Variants in WBP2NL observed in about 807,000 individuals in gnomAD.
The protein encoded by WBP2NL is postacrosomal sheath WW domain-binding protein.
Under a neutral mutation model 23.3 loss-of-function variants are expected in WBP2NL, and 27 were observed. That is an observed-to-expected ratio of 1.16 (90% CI 0.85 to 1.60). WBP2NL has a LOEUF of 1.60. Ranked by LOEUF, WBP2NL falls within the 40% of genes most tolerant of loss-of-function variation. The probability of loss-of-function intolerance (pLI) is 0.00; values close to 1 mark genes in which losing one functional copy is unlikely to be tolerated. For synonymous variants in WBP2NL, 151 were observed against 145.9 expected (o/e 1.03, Z -0.25); for missense variants, 370 against 389.5 (o/e 0.95, Z 0.42).
At chr22:42,020,847 CAT>C (rs1389366619) in intron 4 of WBP2NL, among the ~76,000 whole-genome samples, 40 of 79,016 alleles carry the variant, frequency 5.1e-4, no homozygotes, top group African/African-American at 1.6e-3. Context: ...TTTTTTATCT[CAT>C]ATATGTGTGT....
At chr22:42,030,338 T>G (rs777959812), downstream of WBP2NL, among the ~76,000 whole-genome samples, 2 of 152,198 alleles carry the variant, frequency 1.3e-5, no homozygotes, top group African/African-American at 4.8e-5. Flanking sequence ...TGAAGACAAG[T>G]CAAAAGACCA....
At position 42,027,125 on chromosome 22, in the gene WBP2NL, G is replaced by T. The variant is rs930545405; in HGVS notation, c.874G>T (p.Ala292Ser). The T allele has an allele frequency of 2.5e-6, 4 of 1,614,122 alleles. No homozygotes were observed. Among genetic ancestry groups the T allele is most frequent in the South Asian group, 2.2e-5 (2 of 91,092 alleles). ...GCCTCAGGAATCTACAGCAGCCCAG[G>T]CTCCTGAAAACGAGGCTTCTCTTCC... ...ARPQESTAAQ[A>S]PENEASLPSA... Residue 292 changes from alanine (A) to serine (S), a missense_variant, in exon 6 of 6, where the codon GCT (alanine) becomes TCT (serine). Transcript: ENST00000328823.
chr22:42,050,466 C>A (rs1474793701), intron 8 of WBP2NL, among the ~76,000 whole-genome samples: 2 of 151,904 alleles, frequency 1.3e-5, no homozygotes, highest in Non-Finnish European at 2.9e-5. Context: ...GCCAACATGA[C>A]AAAACCCCGT....
At chr22:42,029,313 A>AG, downstream of WBP2NL, among the ~76,000 whole-genome samples, 1 of 151,682 alleles carries the variant, frequency 6.6e-6, no homozygotes, top group East Asian at 1.9e-4. Context: ...AAAAAAAAAA[A>AG]AAAAGCCAGG....
intron 1 of WBP2NL, among the ~76,000 whole-genome samples, chr22:42,000,917 C>G (rs1921587296): frequency 6.6e-6 from 1 of 152,036 alleles, no homozygotes; most frequent in Admixed American, 6.6e-5. Flanking sequence ...ATTGCTCCAC[C>G]AAAAGGTGGA....
At chr22:41,999,799 G>A (rs550066501) in intron 1 of WBP2NL, among the ~76,000 whole-genome samples, 1 of 152,240 alleles carries the variant, frequency 6.6e-6, no homozygotes, top group Admixed American at 6.5e-5. Flanking sequence ...AGATGCCTGG[G>A]CACAACAAAG....
intron 8 of WBP2NL, among the ~76,000 whole-genome samples, chr22:42,048,494 T>C (rs1342388025): frequency 6.6e-6 from 1 of 151,460 alleles, no homozygotes; most frequent in Admixed American, 6.6e-5. Flanking sequence ...CGGTGGTTCA[T>C]GCCTGTAATC....
Position 42,026,996 on chromosome 22 carries a change from C to T in WBP2NL, c.745C>T (p.Pro249Ser), listed in dbSNP as rs1447349348. 3.7e-6 allele frequency: 6 copies of T among 1,610,096 alleles called. No homozygotes were observed. Among genetic ancestry groups the T allele is most frequent in the Non-Finnish European group, 5.1e-6 (6 of 1,176,954 alleles). The change falls in exon 6 of 6, where the codon CCT (proline) becomes TCT (serine). Residue 249 changes from proline to serine, a missense_variant. Transcript: ENST00000328823. ...GAPPLGYGTP[P>S]LGYGAPPLGY... ...CCCACCTCTTGGATATGGAACCCCA[C>T]CTCTCGGATATGGAGCCCCACCTCT...
intron 1 of WBP2NL, among the ~76,000 whole-genome samples, chr22:42,010,608 G>A (rs933883819): frequency 6.6e-6 from 1 of 151,622 alleles, no homozygotes; most frequent in Non-Finnish European, 1.5e-5. Context: ...GCGCAATCTC[G>A]GCTCACTGCC....
intron 1 of WBP2NL, among the ~76,000 whole-genome samples, chr22:42,000,600 G>C (rs1921537527): frequency 6.6e-6 from 1 of 152,124 alleles, no homozygotes; most frequent in Non-Finnish European, 1.5e-5. Flanking sequence ...GTGAATAGTT[G>C]CCACTGATAA....
downstream of WBP2NL, among the ~76,000 whole-genome samples, chr22:42,034,596 G>T (rs543407140): frequency 6.6e-6 from 1 of 152,138 alleles, no homozygotes; most frequent in Non-Finnish European, 1.5e-5. Context: ...GAGATCACCC[G>T]GTCTGACCAA....
intron 1 of WBP2NL, among the ~76,000 whole-genome samples, chr22:42,018,032 C>T (rs959225039): frequency 6.6e-6 from 1 of 151,764 alleles, no homozygotes; most frequent in Admixed American, 6.6e-5. Context: ...CGACTTAATC[C>T]CAGCTATTTG....
At chr22:42,031,166 G>A (rs1313673372), downstream of WBP2NL, 1 of 152,220 alleles carries the variant, frequency 6.6e-6, no homozygotes, top group Non-Finnish European at 1.5e-5. Flanking sequence ...GACCCACGTG[G>A]TGCTGCGTGG....
intron 8 of WBP2NL, among the ~76,000 whole-genome samples, chr22:42,052,504 T>C (rs1234192912): frequency 2.0e-5 from 3 of 152,152 alleles, no homozygotes; most frequent in Non-Finnish European, 4.4e-5. Flanking sequence ...GGTCTCGAAC[T>C]CCTGACCTCA....
chr22:42,046,299 A>G (rs1455929397), intron 8 of WBP2NL, among the ~76,000 whole-genome samples: 2 of 152,224 alleles, frequency 1.3e-5, no homozygotes, highest in Admixed American at 1.3e-4. Context: ...TACTGTTTCT[A>G]AATTTCCTAG....
rs1439675232 is a variant in WBP2NL at position 42,018,615 on chromosome 22, G to A, written c.63-696G>A. 8.5e-5 allele frequency among the ~76,000 whole-genome samples: 13 copies of A among 152,264 alleles called. 1 individual carries two copies. Among genetic ancestry groups the A allele is most frequent in the Middle Eastern group, 6.8e-3 (2 of 294 alleles). On this transcript the variant is annotated intron_variant, in intron 1 of 5. Transcript: ENST00000328823. ...TAAGGAGAGAGCACGACAGGCTGAG[G>A]GAACATGTCAGAGGGGGCTGGGGCA...
chr22:42,048,193 G>A (rs993040356), intron 8 of WBP2NL, among the ~76,000 whole-genome samples: 5 of 149,840 alleles, frequency 3.3e-5, no homozygotes, highest in East Asian at 2.0e-4. Flanking sequence ...AGGCCAAGGC[G>A]GGCAGATCAC....
intron 1 of WBP2NL, among the ~76,000 whole-genome samples, chr22:42,000,317 C>A (rs1569444076): frequency 6.6e-6 from 1 of 152,158 alleles, no homozygotes; most frequent in Non-Finnish European, 1.5e-5. Flanking sequence ...TGCTTTGTTC[C>A]ATTTTGTGGT....
chr22:42,000,717 G>A (rs1921551666), intron 1 of WBP2NL, among the ~76,000 whole-genome samples: 1 of 151,896 alleles, frequency 6.6e-6, no homozygotes, highest in South Asian at 2.1e-4. Flanking sequence ...TCACAAGATC[G>A]GGAGTTCAGG....
Sources: gnomAD v4.1 joint callset for allele counts (sites outside exome capture counted in the v4.1 genomes callset) on GRCh38, gnomAD v4.1.1 for gene constraint, MANE v1.5 for transcripts, NCBI Gene and HGNC (gene_info 2026-07-23, HGNC 2026-07-21) for gene names.